The following VWA8 variants were observed in gnomAD, a reference collection of about 807,000 sequenced individuals.
VWA8 encodes the protein von Willebrand factor A domain-containing protein 8.
VWA8 carries 221 observed loss-of-function variants against 241.5 expected under a neutral mutation model. The ratio of observed to expected loss-of-function variants is 0.91; its 90% CI spans 0.82 to 1.02. VWA8 has a LOEUF of 1.02. VWA8 is among the 50% of genes least tolerant of loss of function. VWA8 has a pLI of 0.00. For missense variants in VWA8, 2,322 were observed against 2,328.7 expected (o/e 1.00, Z 0.06); for synonymous variants, 852 against 827.1 (o/e 1.03, Z -0.52).
In VWA8 at chr13:41,666,063, T is replaced by C. The variant is rs114863864; in HGVS notation, c.4611+4883A>G. Reference sequence around the variant, plus strand: ...TTGCCTTAGGGAGGTGACTGCTGATTTAATTTTAATTGTATTTAGCAATTA... The same window carrying C: ...TTGCCTTAGGGAGGTGACTGCTGATCTAATTTTAATTGTATTTAGCAATTA... On this transcript the variant is annotated intron_variant, in intron 37 of 44. Transcript: ENST00000379310. Among the ~76,000 whole-genome samples the C allele has an allele frequency of 4.8e-3, 725 of 152,248 alleles. 3 individuals are homozygous for C. The highest frequency in any genetic ancestry group is 0.024 in the Middle Eastern group (7 of 294).
At chr13:41,841,655 G>C (rs968507616) in intron 12 of VWA8, among the ~76,000 whole-genome samples, 1 of 148,574 alleles carries the variant, frequency 6.7e-6, no homozygotes, top group Non-Finnish European at 1.5e-5. Context: ...GTGTGGTGGC[G>C]GGCGCCTGTA....
intron 37 of VWA8, among the ~76,000 whole-genome samples, chr13:41,670,307 A>T (rs965119185): frequency 2.0e-5 from 3 of 151,052 alleles, no homozygotes; most frequent in South Asian, 2.1e-4. Flanking sequence ...TCATTCTTCA[A>T]ATTAGTTCCA....
chr13:41,826,193 C>T (rs1871162731), intron 14 of VWA8, among the ~76,000 whole-genome samples: 1 of 152,144 alleles, frequency 6.6e-6, no homozygotes, highest in African/African-American at 2.4e-5. Flanking sequence ...GATTCTGTAA[C>T]ATGACTGTGT....
chr13:41,788,675 T>C (rs1869316914), intron 17 of VWA8, among the ~76,000 whole-genome samples: 2 of 152,154 alleles, frequency 1.3e-5, no homozygotes, highest in Admixed American at 6.6e-5. Flanking sequence ...AGCTGGCTTT[T>C]GTCCTGTTTC....
intron 4 of VWA8, among the ~76,000 whole-genome samples, chr13:41,903,328 T>C (rs1427121372): frequency 6.6e-6 from 1 of 152,192 alleles, no homozygotes. Context: ...AGAAGAAATC[T>C]ACCATCAATA....
At chr13:41,765,916 T>C (rs564625237) in intron 20 of VWA8, among the ~76,000 whole-genome samples, 2 of 152,204 alleles carry the variant, frequency 1.3e-5, no homozygotes, top group Non-Finnish European at 2.9e-5. Flanking sequence ...AATAATCTCA[T>C]GAGAATGACG....
At chr13:41,673,381 T>C (rs2045038911) in intron 36 of VWA8, among the ~76,000 whole-genome samples, 1 of 152,188 alleles carries the variant, frequency 6.6e-6, no homozygotes. Context: ...AGCAAAAAAC[T>C]GAAGTCCAGA....
Position 41,891,368 on chromosome 13 carries a change from A to T in VWA8, c.651+52T>A, listed in dbSNP as rs376718775. On this transcript the variant is annotated intron_variant, in intron 5 of 44. Coordinates refer to ENST00000379310, the MANE Select transcript of VWA8 (RefSeq NM_015058.2). ...GCCATGTCTTACACAATAAAATGGC[A>T]CTGCCCATAGCTTGACAGCAAAGAC... is the stretch of plus-strand genomic sequence containing the variant. The T allele has an allele frequency of 1.1e-4, 179 of 1,603,930 alleles. No individual in the cohort carries two copies. The African/African-American group carries it at 2.1e-3, about 19-fold the overall frequency.
At position 41,675,222 on chromosome 13, in the gene VWA8, T is replaced by C. The variant is rs1455897763; in HGVS notation, c.4402A>G (p.Ile1468Val). The change falls in exon 36 of 45, where the codon ATT (isoleucine) becomes GTT (valine). Residue 1468 changes from isoleucine (I) to valine (V), a missense_variant. Ile to Val is a conservative substitution (Grantham distance 29). Transcript: ENST00000379310. ...LQSKKLRYIP[I>V]PRSESLSPYT... Reference sequence around the variant, plus strand: ...AAAGGTGAAATGGATTACCTGGGAATAGGGATATATCGGAGTTTCTTTGAT... The same window carrying C: ...AAAGGTGAAATGGATTACCTGGGAACAGGGATATATCGGAGTTTCTTTGAT... The C allele has an allele frequency of 1.9e-6, 3 of 1,610,062 alleles. No homozygotes were observed. The highest frequency in any genetic ancestry group is 1.6e-4 in the Middle Eastern group (1 of 6,072).
chr13:41,743,148 A>G (rs2045580628), intron 21 of VWA8, among the ~76,000 whole-genome samples: 2 of 152,314 alleles, frequency 1.3e-5, no homozygotes, highest in South Asian at 4.1e-4. Context: ...TTGGTGGAAG[A>G]CAAGTGAAAC....
At position 41,778,001 on chromosome 13, in the gene VWA8, A is replaced by T. The variant is rs1868689444; in HGVS notation, c.2333T>A (p.Leu778Ter). The change falls in exon 20 of 45, where the codon TTA (leucine) becomes TAA (stop). Residue 778 changes from leucine to a stop codon, truncating the protein, a stop_gained. Coordinates refer to ENST00000379310, the MANE Select transcript of VWA8 (RefSeq NM_015058.2). LOFTEE classifies it high-confidence loss of function. ...LKDFLLGEHL[L>*]LVGNQGVGKN... ...ATAACTCACCTGGTTGCCAACCAAT[A>T]ATAAGTGTTCTCCAAGGAGAAAGTC... is the stretch of plus-strand genomic sequence containing the variant. 1 of 1,611,348 alleles carries T rather than the reference A, an allele frequency of 6.2e-7. No homozygotes were observed. Among genetic ancestry groups the T allele is most frequent in the Non-Finnish European group, 8.5e-7 (1 of 1,179,212 alleles).
chr13:41,769,003 G>C (rs894715519), intron 20 of VWA8, among the ~76,000 whole-genome samples: 1 of 151,808 alleles, frequency 6.6e-6, no homozygotes, highest in South Asian at 2.1e-4. Context: ...CCTGCGGTCA[G>C]GTGATCCTCC....
At chr13:41,707,555 T>G (rs1486311834) in intron 26 of VWA8, among the ~76,000 whole-genome samples, 1 of 152,148 alleles carries the variant, frequency 6.6e-6, no homozygotes, top group African/African-American at 2.4e-5. Flanking sequence ...CAACTCCAAT[T>G]TTAGCAGGCC....
chr13:41,582,110 T>A (rs895098095), intron 42 of VWA8, among the ~76,000 whole-genome samples: 4 of 152,170 alleles, frequency 2.6e-5, no homozygotes, highest in Non-Finnish European at 5.9e-5. Flanking sequence ...GTGAATGCTA[T>A]TCCCGGGAAT....
At chr13:41,822,514 G>A (rs1270754433) in intron 14 of VWA8, among the ~76,000 whole-genome samples, 17 of 152,094 alleles carry the variant, frequency 1.1e-4, no homozygotes, top group Admixed American at 1.0e-3. Flanking sequence ...GAAAGCAGAC[G>A]CTAAATAAGT....
chr13:41,607,230 C>T (rs1037940704), intron 39 of VWA8, among the ~76,000 whole-genome samples: 2 of 152,176 alleles, frequency 1.3e-5, no homozygotes, highest in African/African-American at 4.8e-5. Flanking sequence ...TCAATAAGTG[C>T]TGCTGGATGG....
chr13:41,691,333 T>G lies in VWA8; in HGVS notation c.3853A>C (p.Ser1285Arg). ...VAEDKWLLVE[S>R]KTNQKYLLTK... Reference sequence around the variant, plus strand: ...AAAGCCACTCACTGATTTGTTTTGCTCTCCACCAGAAGCCATTTGTCCTCT... The same window carrying G: ...AAAGCCACTCACTGATTTGTTTTGCGCTCCACCAGAAGCCATTTGTCCTCT... The change falls in exon 32 of 45, where the codon AGC becomes CGC. Residue 1285 changes from serine (S) to arginine (R), a missense_variant. Coordinates refer to ENST00000379310, the MANE Select transcript of VWA8 (RefSeq NM_015058.2). 1.2e-6 allele frequency: 2 copies of G among 1,612,308 alleles called. No individual in the cohort carries two copies. The highest frequency in any genetic ancestry group is 2.7e-5 in the African/African-American group (2 of 74,946).
intron 26 of VWA8, chr13:41,719,328 C>A: frequency 7.8e-7 from 1 of 1,278,774 alleles, no homozygotes; most frequent in Non-Finnish European, 9.9e-7. Flanking sequence ...AACAAAAGGA[C>A]TGAGACTGTT....
chr13:41,898,778 C>T (rs1875271551), intron 4 of VWA8, among the ~76,000 whole-genome samples: 1 of 141,170 alleles, frequency 7.1e-6, no homozygotes, highest in Non-Finnish European at 1.5e-5. Flanking sequence ...GGTGGGCTGG[C>T]ACTGCTGGGG....
Sources: gnomAD v4.1 joint callset for allele counts (sites outside exome capture counted in the v4.1 genomes callset) on GRCh38, gnomAD v4.1.1 for gene constraint, MANE v1.5 for transcripts, NCBI Gene and HGNC (gene_info 2026-07-23, HGNC 2026-07-21) for gene names.